NFASC: variants seen among roughly 807,000 people sequenced by gnomAD.
NFASC encodes neurofascin homolog.
Under a neutral mutation model 147.5 loss-of-function variants are expected in NFASC, and 43 were observed. The observed-to-expected ratio is 0.29, with a 90% confidence interval of 0.23 to 0.38. The LOEUF is 0.38. NFASC is among the 10% of genes least tolerant of loss of function. The pLI, the probability that NFASC is intolerant of heterozygous loss-of-function variation, is 1.00. For missense variants in NFASC, 1,320 were observed against 1,689.0 expected (o/e 0.78, Z 3.83); for synonymous variants, 622 against 665.5 (o/e 0.93, Z 1.01).
chr1:204,879,763 A>G (rs892904232), intron 1 of NFASC, among the ~76,000 whole-genome samples: 12 of 152,206 alleles, frequency 7.9e-5, no homozygotes, highest in Non-Finnish European at 1.5e-5. Context: ...GGATGGAGAG[A>G]AAGGAATTCA....
Position 204,975,556 on chromosome 1 carries a change from G to C in NFASC, c.1706+138G>C. The stretch of plus-strand genomic sequence containing the variant: ...TCACCAAGGAGCTTCTGCAGAGGGG[G>C]TGATGGCCTGGGCAACTCCCCTGCT... On this transcript the variant is annotated intron_variant, in intron 15 of 29. Coordinates refer to ENST00000339876, the MANE Select transcript of NFASC (RefSeq NM_001005388.3). This position sits in a 1 kb window ranked among gnomAD's most constrained non-coding sequence, Gnocchi z 4.0. The C allele has an allele frequency of 8.3e-7, 1 of 1,208,992 alleles. No homozygotes were observed. 74.9% of individuals were successfully genotyped at this position (1,208,992 alleles called of 1,614,324 possible). A position where few individuals can be genotyped will look rare whatever the true frequency, so the allele number is the denominator to read the frequency against.
intron 25 of NFASC, 30 bp downstream of exon 25, chr1:204,997,436 C>G: frequency 6.4e-7 from 1 of 1,551,628 alleles, no homozygotes; most frequent in Non-Finnish European, 8.7e-7. Flanking sequence ...CTCCCCATCC[C>G]CTCCTGGCCC....
intron 1 of NFASC, among the ~76,000 whole-genome samples, chr1:204,882,817 A>G (rs1173526700): frequency 1.3e-5 from 2 of 152,144 alleles, no homozygotes; most frequent in African/African-American, 4.8e-5. Flanking sequence ...TCTCTTTTGC[A>G]ATTCTAATTT....
chr1:205,008,184 G>C (rs1047733648), intron 27 of NFASC, among the ~76,000 whole-genome samples: 4 of 151,868 alleles, frequency 2.6e-5, no homozygotes, highest in African/African-American at 9.7e-5. Flanking sequence ...CCCGTACTGG[G>C]AACTTTCTTG....
intron 1 of NFASC, among the ~76,000 whole-genome samples, chr1:204,837,596 G>A (rs1674132832): frequency 6.6e-6 from 1 of 152,196 alleles, no homozygotes; most frequent in Admixed American, 6.5e-5. Flanking sequence ...TGGTTTCTGA[G>A]GGGATAGTTC....
Position 204,952,040 on chromosome 1 carries a change from T to G in NFASC, c.139T>G (p.Ser47Ala). Residue 47 changes from serine to alanine, a missense_variant, in exon 5 of 30, where the codon TCA becomes GCA. By Grantham distance (99) the Ser-to-Ala change is moderately conservative. Around this residue, in one of 3 missense-constraint regions of NFASC, gnomAD observed 981 missense variants for 1,289.5 expected, o/e 0.76. Coordinates refer to ENST00000339876, the MANE Select transcript of NFASC (RefSeq NM_001005388.3). ...GCAGCCGCCAACCATCACCAAGCAGTCAGCGAAGGATCACATCGTGGACCC... is the reference window on the plus strand; with the variant it reads ...GCAGCCGCCAACCATCACCAAGCAGGCAGCGAAGGATCACATCGTGGACCC... ...LTQPPTITKQ[S>A]AKDHIVDPRD... 3 of 1,614,074 alleles carry G rather than the reference T, an allele frequency of 1.9e-6. No homozygotes were observed. Among genetic ancestry groups the G allele is most frequent in the Non-Finnish European group, 2.5e-6 (3 of 1,180,000 alleles).
intron 1 of NFASC, among the ~76,000 whole-genome samples, chr1:204,892,568 G>C (rs1442202038): frequency 6.6e-6 from 1 of 152,194 alleles, no homozygotes; most frequent in African/African-American, 2.4e-5. Context: ...GTAGCCACTA[G>C]CCCATGTGAC....
At chr1:205,001,597 C>T (rs905696058) in intron 26 of NFASC, among the ~76,000 whole-genome samples, 1 of 152,136 alleles carries the variant, frequency 6.6e-6, no homozygotes, top group Non-Finnish European at 1.5e-5. Context: ...GAATAGCCCC[C>T]AAATGAGCCA....
intron 24 of NFASC, among the ~76,000 whole-genome samples, 154 bp from the exon 25 acceptor site, chr1:204,997,016 G>A (rs1369350149): frequency 6.6e-6 from 1 of 151,992 alleles, no homozygotes; most frequent in Non-Finnish European, 1.5e-5. Context: ...CTGTTGCTGC[G>A]ACCCGTCTGA....
chr1:204,950,465 G>T (rs371596076), intron 3 of NFASC, 92 bp from the exon 4 acceptor site: 13 of 1,200,514 alleles, frequency 1.1e-5, no homozygotes, highest in African/African-American at 9.0e-5. Context: ...CCCACTCCCT[G>T]TGTGCTGGGG....
At chr1:204,890,062 G>C (rs1433090900) in intron 1 of NFASC, among the ~76,000 whole-genome samples, 2 of 152,208 alleles carry the variant, frequency 1.3e-5, no homozygotes, top group African/African-American at 4.8e-5. Context: ...CCCTATCTCT[G>C]AGAGCTGCTC....
intron 3 of NFASC, among the ~76,000 whole-genome samples, chr1:204,950,266 G>A (rs548660237): frequency 6.6e-6 from 1 of 152,350 alleles, no homozygotes; most frequent in Admixed American, 6.5e-5. Flanking sequence ...GGACTTCCTG[G>A]TGACACTGTC....
rs141856087 is a variant in NFASC at position 204,856,182 on chromosome 1, G to A, written c.-200+27400G>A. On this transcript the variant is annotated intron_variant, in intron 1 of 29. Coordinates refer to ENST00000339876, the MANE Select transcript of NFASC (RefSeq NM_001005388.3). ...TCGAGAGCTTGCAGTCCAATTGGAA[G>A]AACAGGCTCAAAAGGCCAAGAAGAC... Among the ~76,000 whole-genome samples the A allele has an allele frequency of 7.6e-3, 1,162 of 152,146 alleles. 16 individuals carry two copies. Among genetic ancestry groups the A allele is most frequent in the Admixed American group, 9.0e-3 (138 of 15,290 alleles).
chr1:204,932,501 C>T (rs575875023), intron 2 of NFASC, among the ~76,000 whole-genome samples: 11 of 151,504 alleles, frequency 7.3e-5, no homozygotes, highest in African/African-American at 2.7e-4. Context: ...AGATTGACAG[C>T]GTTTGCAAAA....
intron 27 of NFASC, among the ~76,000 whole-genome samples, chr1:205,005,634 C>G (rs1234689871): frequency 3.3e-5 from 5 of 152,186 alleles, no homozygotes; most frequent in Non-Finnish European, 7.3e-5. Context: ...TGGGGCCTTG[C>G]TAAAATGCCT....
chr1:204,926,195 C>T (rs1347822452), intron 2 of NFASC, among the ~76,000 whole-genome samples: 4 of 151,148 alleles, frequency 2.6e-5, no homozygotes, highest in Non-Finnish European at 5.9e-5. Flanking sequence ...ACAAATTTTA[C>T]AATTTTCTTC....
intron 10 of NFASC, among the ~76,000 whole-genome samples, chr1:204,969,260 C>T (rs770021609): frequency 3.4e-4 from 51 of 152,206 alleles, no homozygotes; most frequent in Non-Finnish European, 5.4e-4. Context: ...TTTCCTCCCA[C>T]GGCCCATTTG....
chr1:204,843,626 TCCTCCCTCCCTCCCTCCCTCCCTCCCTC>T (rs796875779), intron 1 of NFASC, among the ~76,000 whole-genome samples: 6 of 78,078 alleles, frequency 7.7e-5, no homozygotes, highest in Admixed American at 1.5e-4. Flanking sequence ...CTTCCTTCCT[TCCTCCCTCCCTCCCTCCCTCCCTCCCTC>T]CCTTCCTTCC....
chr1:204,830,868 A>C (rs1672034209), intron 1 of NFASC, among the ~76,000 whole-genome samples: 1 of 152,208 alleles, frequency 6.6e-6, no homozygotes, highest in Admixed American at 6.5e-5. Context: ...CACTTTAGGA[A>C]TCCAAGTGAC....
Sources: gnomAD v4.1 joint callset for allele counts (sites outside exome capture counted in the v4.1 genomes callset) on GRCh38, gnomAD v4.1.1 for gene constraint, gnomAD v4.1.1 regional missense constraint, Gnocchi (gnomAD v3.1) non-coding constraint, MANE v1.5 for transcripts, NCBI Gene and HGNC (gene_info 2026-07-23, HGNC 2026-07-21) for gene names.